The following PTPRU variants were observed in gnomAD, a reference collection of about 807,000 sequenced individuals.
PTPRU encodes protein tyrosine phosphatase receptor type U, also known as receptor-type tyrosine-protein phosphatase U.
PTPRU carries 69 observed loss-of-function variants against 166.3 expected under a neutral mutation model. The ratio of observed to expected loss-of-function variants is 0.41; its 90% CI spans 0.34 to 0.51. The LOEUF is 0.51. Ranked by LOEUF, PTPRU falls within the 20% of genes least tolerant of loss-of-function variation. The pLI is 0.09. For synonymous variants in PTPRU, 793 were observed against 814.0 expected (o/e 0.97, Z 0.44); for missense variants, 1,657 against 2,013.7 (o/e 0.82, Z 3.39).
chr1:29,324,350 C>T (rs1377563700), intron 28 of PTPRU, among the ~76,000 whole-genome samples: 1 of 152,216 alleles, frequency 6.6e-6, no homozygotes, highest in Non-Finnish European at 1.5e-5. Flanking sequence ...GTCTGGCCCC[C>T]AGGGGTTTTG....
Position 29,290,409 on chromosome 1 carries a change from G to C in PTPRU, c.2319-1460G>C, listed in dbSNP as rs565429288. Among the ~76,000 whole-genome samples, 9 of 152,324 alleles carry C rather than the reference G, an allele frequency of 5.9e-5. No homozygotes were observed. The South Asian group carries it at 1.9e-3, about 32-fold the overall frequency. ...TTGTGGGAGGTTGCAAAATGCACTG[G>C]AACTGGGATACAACCCAGGCCCCTG... On this transcript the variant is annotated intron_variant, in intron 14 of 29. Transcript: ENST00000373779.
At chr1:29,292,609 A>C (rs1557457686) in intron 15 of PTPRU, among the ~76,000 whole-genome samples, 1 of 152,116 alleles carries the variant, frequency 6.6e-6, no homozygotes, top group Non-Finnish European at 1.5e-5. Flanking sequence ...CTGTGTCATA[A>C]CTTGCTTCAT....
In PTPRU at chr1:29,325,647, C is replaced by T. The variant is rs1321414984; in HGVS notation, c.4297C>T (p.Leu1433=). 2 of 1,609,866 alleles carry T rather than the reference C, an allele frequency of 1.2e-6. No individual in the cohort carries two copies. The highest frequency in any genetic ancestry group is 3.4e-5 in the Admixed American group (2 of 59,650). The change falls in exon 30 of 30, where the codon CTG becomes TTG. Residue 1433 remains leucine (L), a synonymous_variant. Coordinates refer to ENST00000373779, the MANE Select transcript of PTPRU (RefSeq NM_133178.4). ...YDVALEYLEG[L]ESR is the part of the protein sequence containing the mutation. ...TGTGGCCCTGGAGTACTTGGAGGGG[C>T]TGGAGTCAAGATAGCGGGGCCCTGG...
At chr1:29,245,377 C>A (rs929781437) in intron 1 of PTPRU, among the ~76,000 whole-genome samples, 1 of 152,070 alleles carries the variant, frequency 6.6e-6, no homozygotes, top group African/African-American at 2.4e-5. Flanking sequence ...CCAGCGTGGC[C>A]GGGCAGAGCT....
At position 29,280,279 on chromosome 1, in the gene PTPRU, A is replaced by C. The variant is rs1469729080; in HGVS notation, c.1868+138A>C. ...ACGCAGGGCTTGGAGTGTCTGGAGGAGATTGTTCTGTGATGCTTGGCAGGC... is the reference window on the plus strand; with the variant it reads ...ACGCAGGGCTTGGAGTGTCTGGAGGCGATTGTTCTGTGATGCTTGGCAGGC... On this transcript the variant is annotated intron_variant, in intron 11 of 29. Coordinates refer to ENST00000373779, the MANE Select transcript of PTPRU (RefSeq NM_133178.4). The surrounding 1 kb of genome is among the most constrained non-coding windows in gnomAD (Gnocchi z 4.2). 2 of 848,024 alleles carry C rather than the reference A, an allele frequency of 2.4e-6. No homozygotes were observed. Among genetic ancestry groups the C allele is most frequent in the Non-Finnish European group, 3.6e-6 (2 of 556,116 alleles). 52.5% of individuals were successfully genotyped at this position (848,024 alleles called of 1,614,324 possible).
intron 1 of PTPRU, among the ~76,000 whole-genome samples, chr1:29,253,240 C>T (rs1481686384): frequency 2.6e-5 from 4 of 152,200 alleles, no homozygotes; most frequent in Admixed American, 1.3e-4. Flanking sequence ...GGAAGCTCTC[C>T]GAACCCTGTC....
In PTPRU at chr1:29,310,800, ACATGCGCCTTCC is replaced by A; in HGVS notation, c.2857+25_2857+36del. ...CTCAAGGTACCTGGCACTTCTGCCC[ACATGCGCCTTCC>A]CATGTGCCTCCCAGCGTGCTGGAAT... On this transcript the variant is annotated intron_variant, in intron 19 of 29. Transcript: ENST00000373779. 6.2e-7 allele frequency: 1 copy of A among 1,612,220 alleles called. No individual in the cohort carries two copies. Among genetic ancestry groups the A allele is most frequent in the Non-Finnish European group, 8.5e-7 (1 of 1,178,256 alleles).
At chr1:29,283,870 T>C (rs973449767) in intron 12 of PTPRU, 70 bp from the exon 13 acceptor site, 2 of 1,578,132 alleles carry the variant, frequency 1.3e-6, no homozygotes, top group Non-Finnish European at 1.7e-6. Context: ...AAACGCTGTC[T>C]GAGGTTCCCA....
chr1:29,257,217 G>C lies in PTPRU; in HGVS notation c.206-1288G>C, dbSNP rs562123879. Among the ~76,000 whole-genome samples the C allele has an allele frequency of 9.0e-6, 1 of 111,034 alleles. No individual in the cohort carries two copies. Among genetic ancestry groups the C allele is most frequent in the East Asian group, 2.0e-4 (1 of 4,992 alleles). The allele number at this position is 111,034 out of a possible 152,430, so 72.8% of individuals were successfully genotyped here. On this transcript the variant is annotated intron_variant, in intron 2 of 29. Transcript: ENST00000373779. The surrounding 1 kb of genome is among the most constrained non-coding windows in gnomAD (Gnocchi z 4.6). ...CACACAGCTGCTCGCAGGGAGAGGA[G>C]AGAGAAGTAGCATGAGTGGGCCAAG...
chr1:29,297,686 G>A (rs553358982), intron 15 of PTPRU, among the ~76,000 whole-genome samples: 3 of 152,304 alleles, frequency 2.0e-5, no homozygotes, highest in East Asian at 3.9e-4. Flanking sequence ...TCAGGGTGGT[G>A]TGGGCTCATG....
chr1:29,294,273 A>G (rs143779854), intron 15 of PTPRU, among the ~76,000 whole-genome samples: 1 of 152,348 alleles, frequency 6.6e-6, no homozygotes, highest in East Asian at 1.9e-4. Context: ...ATTAGTTTGT[A>G]TAAAATGGTA....
Position 29,283,945 on chromosome 1 carries a change from C to A in PTPRU, c.2148C>A (p.Thr716=), listed in dbSNP as rs1423180895. ...FQAASHLKGE[T]RLNCIRIARK... ...ACCCCCATCTGTGCCTCCAGGAGACCCGGCTGAATTGCATCCGCATTGCCA... is the reference window on the plus strand; with the variant it reads ...ACCCCCATCTGTGCCTCCAGGAGACACGGCTGAATTGCATCCGCATTGCCA... The change falls in exon 13 of 30, where the codon ACC becomes ACA. Residue 716 remains threonine, a synonymous_variant. Coordinates refer to ENST00000373779, the MANE Select transcript of PTPRU (RefSeq NM_133178.4). 6.2e-7 allele frequency: 1 copy of A among 1,613,998 alleles called. No individual in the cohort carries two copies. The highest frequency in any genetic ancestry group is 1.7e-5 in the Admixed American group (1 of 60,024).
Position 29,280,819 on chromosome 1 carries a change from G to A in PTPRU, c.1868+678G>A, listed in dbSNP as rs1227709197. Among the ~76,000 whole-genome samples the A allele has an allele frequency of 1.3e-5, 2 of 152,124 alleles. No individual in the cohort carries two copies. The highest frequency in any genetic ancestry group is 6.5e-5 in the Admixed American group (1 of 15,274). Reference sequence around the variant, plus strand: ...AGGGTGTTTGTGCAACTGTGTGCACGTACTGTTAGCCAGACCCCGTGCTAG... The same window carrying A: ...AGGGTGTTTGTGCAACTGTGTGCACATACTGTTAGCCAGACCCCGTGCTAG... On this transcript the variant is annotated intron_variant, in intron 11 of 29. Coordinates refer to ENST00000373779, the MANE Select transcript of PTPRU (RefSeq NM_133178.4). This position sits in a 1 kb window ranked among gnomAD's most constrained non-coding sequence, Gnocchi z 4.2.
intron 7 of PTPRU, among the ~76,000 whole-genome samples, chr1:29,262,999 T>C (rs1685139759): frequency 6.6e-6 from 1 of 152,064 alleles, no homozygotes; most frequent in Non-Finnish European, 1.5e-5. Context: ...TATTTATTTA[T>C]TATTAAGACG....
chr1:29,261,775 C>T (rs562464542), intron 7 of PTPRU, among the ~76,000 whole-genome samples: 1 of 152,220 alleles, frequency 6.6e-6, no homozygotes, highest in Non-Finnish European at 1.5e-5. Flanking sequence ...TCAGGTGATC[C>T]ACCCGCCTCG....
chr1:29,251,403 G>T (rs75216041), intron 1 of PTPRU, among the ~76,000 whole-genome samples: 3 of 152,288 alleles, frequency 2.0e-5, no homozygotes, highest in Non-Finnish European at 4.4e-5. Context: ...CAGGTCTGGG[G>T]TCAGTCAGTC....
In PTPRU at chr1:29,241,177, C is replaced by T. The variant is rs138893519; in HGVS notation, c.73+4460C>T. ...GCTTTGACCCCTGGGGAGCCTGGTG[C>T]TAAGGGTGTCTGGCTATCCAAGTAT... On this transcript the variant is annotated intron_variant, in intron 1 of 29. Coordinates refer to ENST00000373779, the MANE Select transcript of PTPRU (RefSeq NM_133178.4). Among the ~76,000 whole-genome samples, 669 of 152,212 alleles carry T rather than the reference C, an allele frequency of 4.4e-3. 5 individuals are homozygous for T. The highest frequency in any genetic ancestry group is 7.4e-3 in the Non-Finnish European group (500 of 67,988).
At chr1:29,266,010 GTTTTTTTTTTT>G (rs34163524) in intron 7 of PTPRU, among the ~76,000 whole-genome samples, 28 of 79,234 alleles carry the variant, frequency 3.5e-4, no homozygotes, top group East Asian at 1.3e-3. Context: ...TTTCTCCTGG[GTTTTTTTTTTT>G]TTTTTTTTTT....
At chr1:29,253,573 T>G (rs1420592712) in intron 1 of PTPRU, among the ~76,000 whole-genome samples, 1 of 152,032 alleles carries the variant, frequency 6.6e-6, no homozygotes, top group Non-Finnish European at 1.5e-5. Flanking sequence ...TAAATAAATA[T>G]GTATTATGTT....
Sources: allele counts gnomAD v4.1 joint callset (sites outside exome capture counted in the v4.1 genomes callset), GRCh38; gene constraint gnomAD v4.1.1; non-coding constraint Gnocchi (gnomAD v3.1); transcripts MANE v1.5; gene names NCBI Gene and HGNC (gene_info 2026-07-23, HGNC 2026-07-21).